SUGCT: variants seen among roughly 807,000 people sequenced by gnomAD.
SUGCT encodes the protein succinyl-CoA:glutarate CoA-transferase.
A neutral mutation model predicts 55.0 loss-of-function variants in SUGCT; 41 were observed. That is an observed-to-expected ratio of 0.74 (90% CI 0.58 to 0.97). The LOEUF (loss-of-function observed/expected upper bound fraction) is 0.97. Ranked by LOEUF, SUGCT falls within the 50% of genes least tolerant of loss-of-function variation. The pLI, the probability that SUGCT is intolerant of heterozygous loss-of-function variation, is 0.00. For missense variants in SUGCT, 568 were observed against 547.8 expected (o/e 1.04, Z -0.37); for synonymous variants, 187 against 200.4 (o/e 0.93, Z 0.56).
chr7:40,245,213 C>T (rs1048349292), intron 7 of SUGCT, among the ~76,000 whole-genome samples: 1 of 150,308 alleles, frequency 6.7e-6, no homozygotes, highest in Admixed American at 6.7e-5. Context: ...TGCCACCATG[C>T]CCGGCTAATT....
At chr7:40,677,678 G>A (rs980395694) in intron 12 of SUGCT, among the ~76,000 whole-genome samples, 1 of 152,190 alleles carries the variant, frequency 6.6e-6, no homozygotes, top group South Asian at 2.1e-4. Flanking sequence ...AGGCTAATAA[G>A]AACGTTCATA....
At chr7:40,460,462 C>G in intron 11 of SUGCT, among the ~76,000 whole-genome samples, 1 of 152,180 alleles carries the variant, frequency 6.6e-6, no homozygotes, top group East Asian at 1.9e-4. Flanking sequence ...TGCCTCTCTG[C>G]CTCTCAAGCA....
At chr7:40,169,752 T>A (rs1414118271) in intron 1 of SUGCT, among the ~76,000 whole-genome samples, 1 of 152,008 alleles carries the variant, frequency 6.6e-6, no homozygotes, top group Non-Finnish European at 1.5e-5. Flanking sequence ...TTTTTTTTTT[T>A]ATCCCATTTG....
the SUGCT span, among the ~76,000 whole-genome samples, chr7:41,003,387 A>C: frequency 6.6e-6 from 1 of 152,236 alleles, no homozygotes; most frequent in Non-Finnish European, 1.5e-5. Flanking sequence ...GGTTGCATTT[A>C]AAGCATATAT....
chr7:40,766,515 T>TG (rs1466706105), intron 13 of SUGCT, among the ~76,000 whole-genome samples: 3 of 152,174 alleles, frequency 2.0e-5, no homozygotes, highest in African/African-American at 7.2e-5. Context: ...ATTCCTGTCA[T>TG]TTTTTCTTTG....
intron 9 of SUGCT, among the ~76,000 whole-genome samples, chr7:40,445,569 C>G (rs182699939): frequency 1.1e-3 from 164 of 152,168 alleles, no homozygotes; most frequent in African/African-American, 3.8e-3. Context: ...ACCACAGGTA[C>G]AAAGAGGAAC....
At chr7:40,340,897 CTGTCA>C (rs1239899491) in intron 9 of SUGCT, among the ~76,000 whole-genome samples, 1 of 152,168 alleles carries the variant, frequency 6.6e-6, no homozygotes, top group African/African-American at 2.4e-5. Flanking sequence ...GAACTTTCCA[CTGTCA>C]TCATGTCTTT....
At chr7:40,975,398 G>A in the SUGCT span, among the ~76,000 whole-genome samples, 6 of 152,120 alleles carry the variant, frequency 3.9e-5, no homozygotes, top group African/African-American at 1.4e-4. Flanking sequence ...ATGTTCAAGA[G>A]GTATGCAAGA....
At chr7:40,905,985 A>G in the SUGCT span, among the ~76,000 whole-genome samples, 4 of 152,164 alleles carry the variant, frequency 2.6e-5, no homozygotes, top group East Asian at 7.7e-4. Context: ...TGGCCTCCCA[A>G]AGTGCTGGGA....
chr7:40,499,094 G>A (rs1792144541), intron 12 of SUGCT: 1 of 456,594 alleles, frequency 2.2e-6, no homozygotes, highest in Non-Finnish European at 4.4e-6. Context: ...CTTCTGTTCA[G>A]ATGTGGGAAC....
At chr7:40,138,005 T>C (rs968547553) in intron 1 of SUGCT, among the ~76,000 whole-genome samples, 12 of 152,210 alleles carry the variant, frequency 7.9e-5, no homozygotes, top group African/African-American at 2.7e-4. Context: ...TGTTTTGGCA[T>C]ATATTCATGG....
At position 40,637,142 on chromosome 7, in the gene SUGCT, G is replaced by T. The variant is rs533244146; in HGVS notation, c.1090-112292G>T. Among the ~76,000 whole-genome samples the T allele has an allele frequency of 2.5e-3, 381 of 152,272 alleles. 2 individuals are homozygous for T. The highest frequency in any genetic ancestry group is 8.5e-3 in the African/African-American group (352 of 41,552). On this transcript the variant is annotated intron_variant, in intron 12 of 13. Coordinates refer to ENST00000335693, the MANE Select transcript of SUGCT (RefSeq NM_001193313.2). ...TTATGTTTGATGAACTCATAATTTT[G>T]TTTCCCTCCAGGGAAAACTCACTAA...
At chr7:40,967,966 G>A in the SUGCT span, 3 of 152,088 alleles carry the variant, frequency 2.0e-5, no homozygotes, top group African/African-American at 7.2e-5. Context: ...AAAGCTAAAC[G>A]TAATACTTAT....
chr7:40,367,193 C>T (rs1464399733), intron 9 of SUGCT, among the ~76,000 whole-genome samples: 1 of 143,428 alleles, frequency 7.0e-6, no homozygotes, highest in Non-Finnish European at 1.5e-5. Context: ...TATGTTCTCA[C>T]TCATAGGTGG....
At chr7:40,278,280 G>C (rs1002497827) in intron 8 of SUGCT, among the ~76,000 whole-genome samples, 1 of 152,068 alleles carries the variant, frequency 6.6e-6, no homozygotes, top group Non-Finnish European at 1.5e-5. Flanking sequence ...GAAACAACAG[G>C]TGCTGGAGAG....
At chr7:40,548,220 A>G (rs796426899) in intron 12 of SUGCT, among the ~76,000 whole-genome samples, 4 of 56,856 alleles carry the variant, frequency 7.0e-5, no homozygotes, top group African/African-American at 2.3e-4. Flanking sequence ...ATTAGGTCTC[A>G]TTTTATTGTC....
intron 1 of SUGCT, among the ~76,000 whole-genome samples, chr7:40,156,964 G>A (rs1783926485): frequency 6.8e-6 from 1 of 147,760 alleles, no homozygotes; most frequent in Middle Eastern, 3.4e-3. Context: ...GCAGTGAGCC[G>A]AGATGGCACC....
chr7:40,397,873 C>T (rs1318100728), intron 9 of SUGCT, among the ~76,000 whole-genome samples: 1 of 152,102 alleles, frequency 6.6e-6, no homozygotes. Context: ...TTCCTTCTTT[C>T]CTTCTGAGAT....
At chr7:40,722,899 T>C (rs1274188003) in intron 12 of SUGCT, among the ~76,000 whole-genome samples, 4 of 152,180 alleles carry the variant, frequency 2.6e-5, no homozygotes, top group Non-Finnish European at 5.9e-5. Flanking sequence ...ACCCTATAAA[T>C]CATAAACAAC....
Sources: gnomAD v4.1 joint callset for allele counts (sites outside exome capture counted in the v4.1 genomes callset) on GRCh38, gnomAD v4.1.1 for gene constraint, MANE v1.5 for transcripts, NCBI Gene and HGNC (gene_info 2026-07-23, HGNC 2026-07-21) for gene names.